SCLT1: variants seen among roughly 807,000 people sequenced by gnomAD.
SCLT1 encodes sodium channel and clathrin linker 1, also known as sodium channel-associated protein 1.
SCLT1 carries 78 observed loss-of-function variants against 112.8 expected under a neutral mutation model. The ratio of observed to expected loss-of-function variants is 0.69; its 90% CI spans 0.58 to 0.83. The LOEUF is 0.83. Ranked by LOEUF, SCLT1 falls within the 40% of genes least tolerant of loss-of-function variation. The probability of loss-of-function intolerance (pLI) is 0.00; values close to 1 mark genes in which losing one functional copy is unlikely to be tolerated. For synonymous variants in SCLT1, 257 were observed against 254.7 expected, an observed-to-expected ratio of 1.01 and a Z score of -0.09; for missense variants, 747 against 770.4, an observed-to-expected ratio of 0.97 and a Z score of 0.36.
At chr4:129,046,353 G>C (rs957474663) in intron 2 of SCLT1, among the ~76,000 whole-genome samples, 1 of 151,984 alleles carries the variant, frequency 6.6e-6, no homozygotes, top group African/African-American at 2.4e-5. Context: ...GGCTCCATGT[G>C]GGACCCAAAT....
chr4:128,908,701 T>A (rs1360629895), intron 18 of SCLT1, among the ~76,000 whole-genome samples: 3 of 152,234 alleles, frequency 2.0e-5, no homozygotes, highest in Non-Finnish European at 4.4e-5. Context: ...ACATTCCATG[T>A]GTACCATACA....
At chr4:129,034,003 T>C (rs1327876844) in intron 5 of SCLT1, among the ~76,000 whole-genome samples, 1 of 152,154 alleles carries the variant, frequency 6.6e-6, no homozygotes, top group African/African-American at 2.4e-5. Context: ...TATAATGACC[T>C]CAAGTAGCAC....
intron 8 of SCLT1, among the ~76,000 whole-genome samples, chr4:128,996,427 G>A (rs1031497073): frequency 6.6e-5 from 10 of 152,028 alleles, no homozygotes; most frequent in African/African-American, 1.4e-4. Flanking sequence ...GAGTTTATTC[G>A]TGTAATCAGA....
At chr4:129,019,665 G>GA (rs777255723) in intron 5 of SCLT1, among the ~76,000 whole-genome samples, 2,408 of 139,652 alleles carry the variant, frequency 0.017, 38 homozygotes, top group African/African-American at 0.047. Context: ...TTATATAAAT[G>GA]AAAAAAAAAA....
intron 2 of SCLT1, among the ~76,000 whole-genome samples, chr4:129,081,606 G>A (rs1442805713): frequency 6.6e-6 from 1 of 152,190 alleles, no homozygotes; most frequent in Non-Finnish European, 1.5e-5. Flanking sequence ...CAGATCTCAT[G>A]AGAACTCACT....
At chr4:129,063,679 G>A (rs941796810) in intron 2 of SCLT1, among the ~76,000 whole-genome samples, 1 of 152,206 alleles carries the variant, frequency 6.6e-6, no homozygotes, top group Non-Finnish European at 1.5e-5. Context: ...GAGTGGGTCT[G>A]CTGATAGAGT....
In SCLT1 at chr4:128,970,326, TAGAA is replaced by T. The variant is rs1379003184; in HGVS notation, c.777+48_777+51del. The T allele has an allele frequency of 4.0e-5, 40 of 996,792 alleles. No homozygotes were observed. The Admixed American group carries it at 7.2e-4, about 18-fold the overall frequency. 61.7% of individuals were successfully genotyped at this position (996,792 alleles called of 1,614,324 possible). ...CCTAATCCAAAATAAATCAACAAAA[TAGAA>T]AGAAAACTAAGCAATAGGTACCCAT... On this transcript the variant is annotated intron_variant, in intron 10 of 20. Coordinates refer to ENST00000281142, the MANE Select transcript of SCLT1 (RefSeq NM_144643.4).
chr4:129,049,472 A>G (rs2125708776), intron 2 of SCLT1, among the ~76,000 whole-genome samples: 1 of 102,258 alleles, frequency 9.8e-6, no homozygotes, highest in South Asian at 3.5e-4. Flanking sequence ...CACTCTGGGG[A>G]CTGTTGTGGG....
chr4:129,084,238 AAAC>A (rs796822568), intron 1 of SCLT1, among the ~76,000 whole-genome samples: 32 of 152,338 alleles, frequency 2.1e-4, no homozygotes, highest in African/African-American at 7.5e-4. Context: ...GGAAAAGATG[AAAC>A]AACTGTCATT....
chr4:128,932,298 T>G (rs1160809430), intron 18 of SCLT1, among the ~76,000 whole-genome samples: 1 of 152,140 alleles, frequency 6.6e-6, no homozygotes, highest in Non-Finnish European at 1.5e-5. Context: ...TTATAAGATA[T>G]TCATGGCATG....
At chr4:128,905,529 T>TC (rs951048904) in intron 18 of SCLT1, among the ~76,000 whole-genome samples, 3 of 151,778 alleles carry the variant, frequency 2.0e-5, no homozygotes, top group Non-Finnish European at 4.4e-5. Context: ...TTAGACTTTT[T>TC]TTTAACCTTA....
chr4:129,024,391 G>A (rs1047391415), intron 5 of SCLT1, among the ~76,000 whole-genome samples: 9 of 152,178 alleles, frequency 5.9e-5, no homozygotes, highest in African/African-American at 1.2e-4. Flanking sequence ...CGCGATTCAC[G>A]AAAATCTGCT....
intron 9 of SCLT1, among the ~76,000 whole-genome samples, chr4:128,986,201 C>T (rs1742079256): frequency 6.6e-6 from 1 of 152,048 alleles, no homozygotes; most frequent in Non-Finnish European, 1.5e-5. Context: ...TTGAACTTTG[C>T]ATTAGAATTC....
At chr4:128,985,623 G>A (rs555465833) in intron 9 of SCLT1, among the ~76,000 whole-genome samples, 1 of 152,306 alleles carries the variant, frequency 6.6e-6, no homozygotes, top group South Asian at 2.1e-4. Flanking sequence ...CTGACTATGA[G>A]TTGTCTTTTC....
At chr4:129,090,309 G>C (rs1752725958) in intron 1 of SCLT1, among the ~76,000 whole-genome samples, 1 of 152,158 alleles carries the variant, frequency 6.6e-6, no homozygotes, top group African/African-American at 2.4e-5. Context: ...GAAAAGAATA[G>C]AGTTCATTAA....
At chr4:128,986,980 G>C (rs1387197457) in intron 9 of SCLT1, among the ~76,000 whole-genome samples, 1 of 152,150 alleles carries the variant, frequency 6.6e-6, no homozygotes, top group Non-Finnish European at 1.5e-5. Context: ...GAAGGAGTAA[G>C]AGACTTTGCC....
Position 129,026,425 on chromosome 4 carries a change from C to T in SCLT1, c.290+12616G>A, listed in dbSNP as rs538066868. 7.1e-4 allele frequency among the ~76,000 whole-genome samples: 108 copies of T among 152,140 alleles called. 3 individuals carry two copies. Among genetic ancestry groups the T allele is most frequent in the African/African-American group, 2.5e-3 (105 of 41,468 alleles). ...TCAAAACCACTCAACTACATGGAAA[C>T]TGAACAACCTGCTCCTGAATGACTA... On this transcript the variant is annotated intron_variant, in intron 5 of 20. Coordinates refer to ENST00000281142, the MANE Select transcript of SCLT1 (RefSeq NM_144643.4).
intron 18 of SCLT1, among the ~76,000 whole-genome samples, chr4:128,922,022 G>A (rs1344478778): frequency 6.6e-6 from 1 of 152,124 alleles, no homozygotes. Flanking sequence ...AAACATACAT[G>A]CGGCCAACAA....
At chr4:129,037,766 T>C (rs897379419) in intron 5 of SCLT1, 2 of 152,144 alleles carry the variant, frequency 1.3e-5, no homozygotes, top group African/African-American at 4.8e-5. Flanking sequence ...AGAATACAGA[T>C]CACATATGCA....
Sources: gnomAD v4.1 joint callset for allele counts (sites outside exome capture counted in the v4.1 genomes callset) on GRCh38, gnomAD v4.1.1 for gene constraint, MANE v1.5 for transcripts, NCBI Gene and HGNC (gene_info 2026-07-23, HGNC 2026-07-21) for gene names.